PRDM15: variants seen among roughly 807,000 people sequenced by gnomAD.
The protein encoded by PRDM15 is PR domain zinc finger protein 15.
Under a neutral mutation model 128.6 loss-of-function variants are expected in PRDM15, and 64 were observed. The ratio of observed to expected loss-of-function variants is 0.50; its 90% CI spans 0.41 to 0.61. The LOEUF (loss-of-function observed/expected upper bound fraction) is 0.61, where lower values mean the gene tolerates loss of function less well. PRDM15 is among the 20% of genes least tolerant of loss of function. PRDM15 has a pLI of 0.00. For missense variants in PRDM15, 1,242 were observed against 1,569.1 expected (o/e 0.79, Z 3.52); for synonymous variants, 615 against 621.8 (o/e 0.99, Z 0.16).
intron 22 of PRDM15, among the ~76,000 whole-genome samples, chr21:41,804,219 C>T (rs1051199693): frequency 1.3e-5 from 2 of 152,208 alleles, no homozygotes; most frequent in Non-Finnish European, 2.9e-5. Context: ...CCGCCTTGGC[C>T]TCCCAAATTG....
chr21:41,835,605 G>A (rs1221432850), intron 10 of PRDM15, 81 bp from the exon 11 acceptor site: 30 of 1,129,158 alleles, frequency 2.7e-5, no homozygotes, highest in East Asian at 7.3e-5. Flanking sequence ...CTGCCCGGGC[G>A]ACTCCACGCC....
chr21:41,838,491 G>T (rs2062967805), intron 7 of PRDM15, among the ~76,000 whole-genome samples: 1 of 152,166 alleles, frequency 6.6e-6, no homozygotes, highest in Admixed American at 6.5e-5. Flanking sequence ...TTGTATAAGA[G>T]TTAAAGATCA....
chr21:41,821,691 G>A lies in PRDM15; in HGVS notation c.1896+212C>T, dbSNP rs556109429. Among the ~76,000 whole-genome samples the A allele has an allele frequency of 5.3e-5, 8 of 152,314 alleles. No homozygotes were observed. Among genetic ancestry groups the A allele is most frequent in the East Asian group, 1.9e-4 (1 of 5,184 alleles). ...GGCGCCTGTGAGACCCACACAGACC[G>A]TCCCTGAGCACCAAGGTGACACAGG... is the stretch of plus-strand genomic sequence containing the variant. On this transcript the variant is annotated intron_variant, in intron 15 of 23. Coordinates refer to ENST00000398548, the MANE Select transcript of PRDM15 (RefSeq NM_001040424.3). The surrounding 1 kb of genome is among the most constrained non-coding windows in gnomAD (Gnocchi z 5.4).
Position 41,835,506 on chromosome 21 carries a change from A to G in PRDM15, c.1297T>C (p.Tyr433His). 6.2e-7 allele frequency: 1 copy of G among 1,609,490 alleles called. No individual in the cohort carries two copies. Among genetic ancestry groups the G allele is most frequent in the Non-Finnish European group, 8.5e-7 (1 of 1,179,522 alleles). ...GTCTTCTCACAAGTGCCGCAGCGGT[A>G]CCTGTACTCGCCGTCCACCTGGTCA... ...SRNEVDGEYR[Y>H]RCGTCEKTFR... Residue 433 changes from tyrosine (Y) to histidine (H), a missense_variant, in exon 11 of 24, where the codon TAC becomes CAC. Coordinates refer to ENST00000398548, the MANE Select transcript of PRDM15 (RefSeq NM_001040424.3).
intron 1 of PRDM15, among the ~76,000 whole-genome samples, chr21:41,870,402 T>C (rs1448855862): frequency 6.6e-6 from 1 of 152,168 alleles, no homozygotes; most frequent in Non-Finnish European, 1.5e-5. Context: ...GGAGTTTTTG[T>C]TGAAGCAGGA....
At chr21:41,874,525 A>ATATATATATATATATATATATATATATT in intron 1 of PRDM15, among the ~76,000 whole-genome samples, 2 of 95,826 alleles carry the variant, frequency 2.1e-5, no homozygotes, top group African/African-American at 8.3e-5. Context: ...ATATATATAT[A>ATATATATATATATATATATATATATATT]TTTTTTTTTT....
At chr21:41,875,645 C>G (rs1458373808) in intron 1 of PRDM15, among the ~76,000 whole-genome samples, 1 of 152,234 alleles carries the variant, frequency 6.6e-6, no homozygotes, top group Admixed American at 6.5e-5. Context: ...AGAAAGTATA[C>G]ACTTCTTCCT....
intron 1 of PRDM15, among the ~76,000 whole-genome samples, chr21:41,878,443 G>A (rs1445133672): frequency 6.6e-6 from 1 of 152,172 alleles, no homozygotes; most frequent in Non-Finnish European, 1.5e-5. Context: ...ATTTCCATGA[G>A]TTTTCATTTC....
chr21:41,869,765 C>A (rs192240263), intron 1 of PRDM15, among the ~76,000 whole-genome samples: 1 of 152,328 alleles, frequency 6.6e-6, no homozygotes, highest in African/African-American at 2.4e-5. Context: ...TATAAGTATA[C>A]ATCTTACATT....
rs770525443 is a variant in PRDM15 at position 41,821,248 on chromosome 21, A to G, written c.1897-18T>C. 9.2e-5 allele frequency: 149 copies of G among 1,613,738 alleles called. No individual in the cohort carries two copies. The highest frequency in any genetic ancestry group is 1.2e-4 in the Non-Finnish European group (142 of 1,179,988). ...AAGGTGAGCTGCGGGCCAGGTGGAC[A>G]GGGCACTGCTGACACCCGCATGAGG... On this transcript the variant is annotated intron_variant, in intron 15 of 23. Coordinates refer to ENST00000398548, the MANE Select transcript of PRDM15 (RefSeq NM_001040424.3). This position sits in a 1 kb window ranked among gnomAD's most constrained non-coding sequence, Gnocchi z 5.4.
intron 3 of PRDM15, among the ~76,000 whole-genome samples, chr21:41,858,810 C>T (rs1487135925): frequency 2.0e-5 from 3 of 152,100 alleles, no homozygotes; most frequent in African/African-American, 4.8e-5. Context: ...TAGGCCAAAA[C>T]ATTAATCTCT....
chr21:41,861,537 C>T (rs760583855), intron 1 of PRDM15: 10 of 1,543,136 alleles, frequency 6.5e-6, no homozygotes, highest in Non-Finnish European at 8.8e-6. Flanking sequence ...CTCCTCTGCC[C>T]CCCCCCAATC....
At chr21:41,853,792 C>T (rs111489628) in intron 5 of PRDM15, among the ~76,000 whole-genome samples, 5 of 152,144 alleles carry the variant, frequency 3.3e-5, no homozygotes, top group Admixed American at 1.3e-4. Flanking sequence ...TGCACACGCG[C>T]GCACACACAC....
intron 11 of PRDM15, chr21:41,834,519 A>G: frequency 2.6e-6 from 4 of 1,550,440 alleles, no homozygotes; most frequent in Non-Finnish European, 3.5e-6. Context: ...TAGGTCTCTA[A>G]GCCGACTGCC....
chr21:41,813,839 C>T (rs1462541567), intron 19 of PRDM15: 1 of 148,048 alleles, frequency 6.8e-6, no homozygotes, highest in African/African-American at 2.5e-5. Context: ...TATGAGAACG[C>T]CTTGTGTTAG....
chr21:41,852,501 G>C (rs1304466600), intron 5 of PRDM15, among the ~76,000 whole-genome samples: 1 of 152,278 alleles, frequency 6.6e-6, no homozygotes, highest in African/African-American at 2.4e-5. Flanking sequence ...CCAGGCACCT[G>C]GTTTTGGCAA....
At chr21:41,822,155 G>A in intron 14 of PRDM15, 118 bp from the exon 15 acceptor site, 1 of 1,372,366 alleles carries the variant, frequency 7.3e-7, no homozygotes, top group Non-Finnish European at 1.0e-6. Context: ...CCTCTCTGAT[G>A]CCCGTGGCGC....
chr21:41,859,943 G>A lies in PRDM15; in HGVS notation c.38-258C>T, dbSNP rs566681144. 9.9e-5 allele frequency among the ~76,000 whole-genome samples: 15 copies of A among 152,206 alleles called. No individual in the cohort carries two copies. Among genetic ancestry groups the A allele is most frequent in the Non-Finnish European group, 1.2e-4 (8 of 68,000 alleles). ...CCCCAGGGAAAGCTCTAGCTCCGCCGCACGCCTCAAATCAAGCACGGTCAC... is the reference window on the plus strand; with the variant it reads ...CCCCAGGGAAAGCTCTAGCTCCGCCACACGCCTCAAATCAAGCACGGTCAC... On this transcript the variant is annotated intron_variant, in intron 2 of 23. Transcript: ENST00000398548. The surrounding 1 kb of genome is among the most constrained non-coding windows in gnomAD (Gnocchi z 5.3).
chr21:41,806,412 T>C (rs144474133), intron 21 of PRDM15, among the ~76,000 whole-genome samples: 259 of 6,116 alleles, frequency 0.042, no homozygotes, highest in African/African-American at 0.058. Context: ...ACCACCACCA[T>C]CACCACCACC....
Sources: gnomAD v4.1 joint callset for allele counts (sites outside exome capture counted in the v4.1 genomes callset) on GRCh38, gnomAD v4.1.1 for gene constraint, Gnocchi (gnomAD v3.1) non-coding constraint, MANE v1.5 for transcripts, NCBI Gene and HGNC (gene_info 2026-07-23, HGNC 2026-07-21) for gene names.